Variants in PIP5K1C observed in about 807,000 individuals in gnomAD.
PIP5K1C encodes phosphatidylinositol 4-phosphate 5-kinase type-1 gamma.
PIP5K1C carries 45 observed loss-of-function variants against 80.1 expected under a neutral mutation model. The observed-to-expected ratio is 0.56, with a 90% confidence interval of 0.44 to 0.72. The LOEUF is 0.72. Among genes scored for constraint, PIP5K1C ranks in the 30% least tolerant of loss-of-function variants. The probability of loss-of-function intolerance (pLI) is 0.00; values close to 1 mark genes in which losing one functional copy is unlikely to be tolerated. For synonymous variants in PIP5K1C, 498 were observed against 420.1 expected (o/e 1.19, Z -2.27); for missense variants, 753 against 954.6 (o/e 0.79, Z 2.78).
At chr19:3,655,884 C>A (rs144111571) in intron 6 of PIP5K1C, among the ~76,000 whole-genome samples, 176 of 152,336 alleles carry the variant, frequency 1.2e-3, no homozygotes, top group African/African-American at 4.1e-3. Flanking sequence ...CTACTCCCCC[C>A]TCCCGGGGCC....
At chr19:3,657,452 C>T (rs915016285) in intron 5 of PIP5K1C, among the ~76,000 whole-genome samples, 6 of 152,314 alleles carry the variant, frequency 3.9e-5, no homozygotes, top group East Asian at 1.9e-4. Flanking sequence ...TTGGTGTACA[C>T]GGATGAGGTC....
In PIP5K1C at chr19:3,653,515, G is replaced by C; in HGVS notation, c.696C>G (p.Asn232Lys). The C allele has an allele frequency of 1.9e-6, 3 of 1,613,878 alleles. No homozygotes were observed. The highest frequency in any genetic ancestry group is 2.5e-6 in the Non-Finnish European group (3 of 1,180,022). Residue 232 changes from asparagine (N) to lysine (K), a missense_variant, in exon 7 of 18, where the codon AAC (asparagine) becomes AAG (lysine). By Grantham distance (94) the Asn-to-Lys change is moderately conservative. Around this residue, in one of 6 missense-constraint regions of PIP5K1C, gnomAD observed 139 missense variants for 289.7 expected, o/e 0.48. Coordinates refer to ENST00000335312, the MANE Select transcript of PIP5K1C (RefSeq NM_012398.3). Reference sequence around the variant, plus strand: ...TGTTGTTCATGACCACGACGCGGATGTTCTTGCCCCCCGACTGCACGCAGT... The same window carrying C: ...TGTTGTTCATGACCACGACGCGGATCTTCTTGCCCCCCGACTGCACGCAGT... Reference protein sequence around the residue: ...GLYCVQSGGKNIRVVVMNNIL... With the variant: ...GLYCVQSGGKKIRVVVMNNIL...
chr19:3,644,031 C>T (rs975161548), intron 12 of PIP5K1C, 56 bp downstream of exon 12: 79 of 1,581,086 alleles, frequency 5.0e-5, no homozygotes, highest in Non-Finnish European at 6.5e-5. Context: ...ACCCACGGGG[C>T]TGCTGCTGGC....
intron 1 of PIP5K1C, among the ~76,000 whole-genome samples, chr19:3,697,072 GACCAA>G (rs2036137172): frequency 2.0e-5 from 3 of 149,116 alleles, no homozygotes; most frequent in African/African-American, 7.7e-5. Flanking sequence ...GACCGAGCTG[GACCAA>G]GGAGGACCGA....
Position 3,651,960 on chromosome 19 carries a change from G to C in PIP5K1C, c.993C>G (p.Arg331=). Residue 331 remains arginine (R), a synonymous_variant, in exon 8 of 18, where the codon CGC becomes CGG. Coordinates refer to ENST00000335312, the MANE Select transcript of PIP5K1C (RefSeq NM_012398.3). ...TCTGGGCGCCCTGCGCCTGCCGCTCGCGCTCGTGCTGGTCGATGTTGTGCA... is the reference window on the plus strand; with the variant it reads ...TCTGGGCGCCCTGCGCCTGCCGCTCCCGCTCGTGCTGGTCGATGTTGTGCA... ...LGVHNIDQHE[R]ERQAQGAQST... 1 of 1,613,096 alleles carries C rather than the reference G, an allele frequency of 6.2e-7. No homozygotes were observed. The highest frequency in any genetic ancestry group is 8.5e-7 in the Non-Finnish European group (1 of 1,179,970).
rs1406642559 is a variant in PIP5K1C, at chr19:3,633,598, G to A, written c.1921-78C>T. 4 of 967,752 alleles carry A rather than the reference G, an allele frequency of 4.1e-6. No individual in the cohort carries two copies. In the Admixed American group the frequency reaches 1.3e-4, roughly 33 times the overall value. The allele number at this position is 967,752 out of a possible 1,614,324, so 59.9% of individuals were successfully genotyped here. ...GTGCAAGAGAGGCAGAGGGAGGAAG[G>A]AAGAGACAGGAGAACATAAAAGAGG... On this transcript the variant is annotated intron_variant, in intron 16 of 17. Coordinates refer to ENST00000335312, the MANE Select transcript of PIP5K1C (RefSeq NM_012398.3).
intron 5 of PIP5K1C, 148 bp from the exon 6 acceptor site, chr19:3,656,705 A>G: frequency 1.0e-6 from 1 of 954,206 alleles, no homozygotes; most frequent in Admixed American, 2.0e-5. Flanking sequence ...AGGGCGAGAG[A>G]CTTGCCTGAG....
chr19:3,693,811 C>T (rs1326666302), intron 1 of PIP5K1C, among the ~76,000 whole-genome samples: 5 of 152,152 alleles, frequency 3.3e-5, no homozygotes, highest in Non-Finnish European at 7.4e-5. Flanking sequence ...TGCCTGTAAC[C>T]CCAGCACTTT....
intron 8 of PIP5K1C, among the ~76,000 whole-genome samples, chr19:3,651,046 G>A (rs984150730): frequency 1.3e-4 from 18 of 141,382 alleles, no homozygotes; most frequent in Admixed American, 3.0e-4. Context: ...GTGAGCCACC[G>A]CGCCCAGCGT....
At chr19:3,698,253 C>T (rs2036187690) in intron 1 of PIP5K1C, among the ~76,000 whole-genome samples, 1 of 152,242 alleles carries the variant, frequency 6.6e-6, no homozygotes. Flanking sequence ...GCACGAGCGC[C>T]AACTCATCCC....
intron 15 of PIP5K1C, among the ~76,000 whole-genome samples, chr19:3,639,647 G>A (rs2033880845): frequency 6.6e-6 from 1 of 151,476 alleles, no homozygotes; most frequent in Non-Finnish European, 1.5e-5. Flanking sequence ...GCCCAGGCTG[G>A]TCTCCAACTC....
intron 14 of PIP5K1C, among the ~76,000 whole-genome samples, 175 bp downstream of exon 14, chr19:3,642,732 A>G (rs547228403): frequency 6.6e-6 from 1 of 152,254 alleles, no homozygotes; most frequent in East Asian, 1.9e-4. Context: ...TGGCTGTAAG[A>G]AAAACAAAGT....
At chr19:3,664,749 A>C in intron 3 of PIP5K1C, 73 bp downstream of exon 3, 1 of 1,258,550 alleles carries the variant, frequency 7.9e-7, no homozygotes, top group Non-Finnish European at 1.2e-6. Flanking sequence ...GGCCCCATCC[A>C]TGCTACCAGT....
chr19:3,637,448 A>G lies in PIP5K1C; in HGVS notation c.1920+1436T>C. 1 of 1,535,652 alleles carries G rather than the reference A, an allele frequency of 6.5e-7. No homozygotes were observed. Among genetic ancestry groups the G allele is most frequent in the Non-Finnish European group, 8.7e-7 (1 of 1,146,790 alleles). ...TTCTGGAAAACAACTGACGTCAGAC[A>G]CTGAGCTTCCGGCCGGGGACCTGCG... On this transcript the variant is annotated intron_variant, in intron 16 of 17. Transcript: ENST00000335312. This position sits in a 1 kb window ranked among gnomAD's most constrained non-coding sequence, Gnocchi z 7.0.
chr19:3,637,674 C>T lies in PIP5K1C; in HGVS notation c.1920+1210G>A, dbSNP rs928116305. 13 of 1,506,446 alleles carry T rather than the reference C, an allele frequency of 8.6e-6. No individual in the cohort carries two copies. Among genetic ancestry groups the T allele is most frequent in the Admixed American group, 2.0e-5 (1 of 49,490 alleles). The allele number at this position is 1,506,446 out of a possible 1,614,324, so 93.3% of individuals were successfully genotyped here. ...GGAAAACAGAGGACAGCGGATGAGG[C>T]GGCCACCCCCGTGGTCGGGTGGGAG... is the stretch of plus-strand genomic sequence containing the variant. On this transcript the variant is annotated intron_variant, in intron 16 of 17. Transcript: ENST00000335312. This position sits in a 1 kb window ranked among gnomAD's most constrained non-coding sequence, Gnocchi z 7.0.
chr19:3,635,322 G>A (rs1334992558), intron 16 of PIP5K1C, among the ~76,000 whole-genome samples: 2 of 151,922 alleles, frequency 1.3e-5, no homozygotes, highest in Non-Finnish European at 2.9e-5. Flanking sequence ...CAAGGCAGGT[G>A]GATCACTTGA....
rs1393586743 is a variant in PIP5K1C, at chr19:3,637,926, C to T, written c.1920+958G>A. The T allele has an allele frequency of 6.5e-6, 10 of 1,535,096 alleles. No homozygotes were observed. Among genetic ancestry groups the T allele is most frequent in the African/African-American group, 2.7e-5 (2 of 72,996 alleles). Reference sequence around the variant, plus strand: ...TCCCAGGAAAAGGGGTGACGACGTGCGGTGGGTAGGGGCACAGGCACGCGG... The same window carrying T: ...TCCCAGGAAAAGGGGTGACGACGTGTGGTGGGTAGGGGCACAGGCACGCGG... On this transcript the variant is annotated intron_variant, in intron 16 of 17. Transcript: ENST00000335312. The surrounding 1 kb of genome is among the most constrained non-coding windows in gnomAD (Gnocchi z 7.0).
rs72620515 is a variant in PIP5K1C at position 3,656,863 on chromosome 19, G to A, written c.469-306C>T. Among the ~76,000 whole-genome samples the A allele has an allele frequency of 0.04, 6,127 of 152,292 alleles. 243 individuals carry two copies. Among genetic ancestry groups the A allele is most frequent in the East Asian group, 0.2 (1,008 of 5,160 alleles). On this transcript the variant is annotated intron_variant, in intron 5 of 17. Transcript: ENST00000335312. Reference sequence around the variant, plus strand: ...GGGTGCTGACGCGCGTGGCTAAAAGGTGCTCCCAGCACCCCTGAAGCTGGG... The same window carrying A: ...GGGTGCTGACGCGCGTGGCTAAAAGATGCTCCCAGCACCCCTGAAGCTGGG...
intron 1 of PIP5K1C, among the ~76,000 whole-genome samples, chr19:3,668,672 G>A (rs1305289233): frequency 1.3e-5 from 2 of 152,218 alleles, no homozygotes; most frequent in South Asian, 2.1e-4. Flanking sequence ...CCACCATGCA[G>A]GCCTGGGGAA....
Sources: allele counts gnomAD v4.1 joint callset (sites outside exome capture counted in the v4.1 genomes callset), GRCh38; gene constraint gnomAD v4.1.1; regional missense constraint gnomAD v4.1.1; non-coding constraint Gnocchi (gnomAD v3.1); transcripts MANE v1.5; gene names NCBI Gene and HGNC (gene_info 2026-07-23, HGNC 2026-07-21).